Variants in NBAS observed in about 807,000 individuals in gnomAD.
The protein encoded by NBAS is NAG/BC035112 fusion.
NBAS carries 219 observed loss-of-function variants against 302.5 expected under a neutral mutation model. The observed-to-expected ratio is 0.72, with a 90% confidence interval of 0.65 to 0.81. NBAS has a LOEUF of 0.81. Among genes scored for constraint, NBAS ranks in the 30% least tolerant of loss-of-function variants. NBAS has a pLI of 0.00. For missense variants in NBAS, 2,932 were observed against 2,841.6 expected, an observed-to-expected ratio of 1.03 and a Z score of -0.72; for synonymous variants, 1,118 against 1,021.6, an observed-to-expected ratio of 1.09 and a Z score of -1.80.
At chr2:15,443,818 A>T (rs1377853057) in intron 21 of NBAS, among the ~76,000 whole-genome samples, 3 of 152,124 alleles carry the variant, frequency 2.0e-5, no homozygotes, top group Non-Finnish European at 4.4e-5. Flanking sequence ...CAGGATACAA[A>T]ATCAATGTAC....
intron 48 of NBAS, among the ~76,000 whole-genome samples, chr2:15,193,490 T>C (rs992142159): frequency 7.9e-5 from 12 of 152,150 alleles, no homozygotes; most frequent in African/African-American, 2.9e-4. Context: ...GTTATATACC[T>C]TCAAATACAA....
the NBAS span, among the ~76,000 whole-genome samples, chr2:14,993,375 G>C: frequency 6.6e-6 from 1 of 152,114 alleles, no homozygotes; most frequent in African/African-American, 2.4e-5. Flanking sequence ...GGGGACAGAG[G>C]AGCAAAACCT....
At chr2:14,992,860 A>G in the NBAS span, among the ~76,000 whole-genome samples, 6 of 152,198 alleles carry the variant, frequency 3.9e-5, no homozygotes. Context: ...ATGGAATTTC[A>G]TGGGGTAAGG....
At chr2:15,407,609 C>G (rs2148442639) in intron 25 of NBAS, among the ~76,000 whole-genome samples, 1 of 152,248 alleles carries the variant, frequency 6.6e-6, no homozygotes, top group East Asian at 1.9e-4. Context: ...AATTAAACCA[C>G]AAGGAGATGT....
intron 42 of NBAS, 141 bp downstream of exon 42, chr2:15,286,932 A>C: frequency 3.0e-6 from 2 of 669,632 alleles, no homozygotes; most frequent in Non-Finnish European, 5.2e-6. Context: ...AAGATGTATA[A>C]GGAAAGAACT....
At chr2:15,078,317 T>C in the NBAS span, among the ~76,000 whole-genome samples, 2 of 152,204 alleles carry the variant, frequency 1.3e-5, no homozygotes, top group African/African-American at 4.8e-5. Flanking sequence ...ATTACTATTA[T>C]AAACATAATG....
the NBAS span, among the ~76,000 whole-genome samples, chr2:15,000,118 C>T: frequency 3.9e-5 from 6 of 152,096 alleles, no homozygotes; most frequent in African/African-American, 1.4e-4. Context: ...TAGTGAGTGA[C>T]GAATATCAGG....
At chr2:14,824,370 G>A in the NBAS span, among the ~76,000 whole-genome samples, 5 of 152,008 alleles carry the variant, frequency 3.3e-5, no homozygotes, top group Non-Finnish European at 7.4e-5. Context: ...GAACTAAAAG[G>A]CAAATAAAAT....
chr2:15,532,979 G>A (rs1210185715), intron 9 of NBAS, among the ~76,000 whole-genome samples: 3 of 152,100 alleles, frequency 2.0e-5, no homozygotes, highest in Non-Finnish European at 4.4e-5. Context: ...GCATTTCATA[G>A]ATGAGAAAAC....
At chr2:15,500,674 G>A (rs1003274787) in intron 11 of NBAS, among the ~76,000 whole-genome samples, 1 of 151,650 alleles carries the variant, frequency 6.6e-6, no homozygotes, top group Non-Finnish European at 1.5e-5. Context: ...GGTGGCTCAC[G>A]CCTGTAATCC....
At chr2:15,360,649 CTTTT>C (rs369254532) in intron 32 of NBAS, among the ~76,000 whole-genome samples, 2 of 123,260 alleles carry the variant, frequency 1.6e-5, no homozygotes, top group East Asian at 2.3e-4. Flanking sequence ...CATGACCAGC[CTTTT>C]TTTTTTTTTT....
chr2:15,116,655 T>C, the NBAS span, among the ~76,000 whole-genome samples: 8 of 152,212 alleles, frequency 5.3e-5, no homozygotes, highest in African/African-American at 1.9e-4. Context: ...AATAGGATAA[T>C]GATACCCTAC....
At chr2:15,491,465 A>G (rs889608785) in intron 11 of NBAS, among the ~76,000 whole-genome samples, 3 of 152,318 alleles carry the variant, frequency 2.0e-5, no homozygotes, top group African/African-American at 4.8e-5. Context: ...GGCCAGGCGC[A>G]GTGGCTCACG....
intron 32 of NBAS, among the ~76,000 whole-genome samples, chr2:15,358,546 G>T (rs1188617178): frequency 6.6e-6 from 1 of 152,154 alleles, no homozygotes; most frequent in Non-Finnish European, 1.5e-5. Flanking sequence ...CCAGGTTCAA[G>T]CAATCCTCCC....
At chr2:15,504,087 G>A (rs1266760222) in intron 11 of NBAS, 58 bp downstream of exon 11, 2 of 1,403,294 alleles carry the variant, frequency 1.4e-6, no homozygotes, top group Non-Finnish European at 2.0e-6. Context: ...TGACCTTAAA[G>A]GTACTTCAGG....
the NBAS span, among the ~76,000 whole-genome samples, chr2:14,855,886 C>T: frequency 2.0e-5 from 3 of 152,206 alleles, no homozygotes; most frequent in Admixed American, 2.0e-4. Flanking sequence ...CTGGCTTTGC[C>T]ACCTGCTGAT....
intron 25 of NBAS, among the ~76,000 whole-genome samples, chr2:15,409,278 C>G (rs1402633998): frequency 6.6e-6 from 1 of 152,150 alleles, no homozygotes; most frequent in Non-Finnish European, 1.5e-5. Flanking sequence ...ATAGGCTGAA[C>G]TGTATTTCAC....
the NBAS span, among the ~76,000 whole-genome samples, chr2:15,002,185 G>A: frequency 6.6e-6 from 1 of 152,080 alleles, no homozygotes; most frequent in Non-Finnish European, 1.5e-5. Context: ...CAAACCCTGA[G>A]ATAGACACAG....
chr2:14,792,732 C>T, the NBAS span, among the ~76,000 whole-genome samples: 1 of 151,368 alleles, frequency 6.6e-6, no homozygotes, highest in Non-Finnish European at 1.5e-5. Flanking sequence ...ACAAAATGTT[C>T]AGAATACAAT....
Sources: gnomAD v4.1 joint callset for allele counts (sites outside exome capture counted in the v4.1 genomes callset) on GRCh38, gnomAD v4.1.1 for gene constraint, MANE v1.5 for transcripts, NCBI Gene and HGNC (gene_info 2026-07-23, HGNC 2026-07-21) for gene names.